Variants in HIVEP1 observed in about 807,000 individuals in gnomAD.
HIVEP1 encodes HIVEP zinc finger 1.
In HIVEP1, 36 loss-of-function variants were observed where a neutral mutation model predicts 180.0. The observed-to-expected ratio is 0.20, with a 90% CI of 0.15 to 0.26. The LOEUF is 0.26. Ranked by LOEUF, HIVEP1 falls within the 10% of genes least tolerant of loss-of-function variation. HIVEP1 has a pLI of 1.00. For missense variants in HIVEP1, 3,143 were observed against 3,268.7 expected, an observed-to-expected ratio of 0.96 and a Z score of 0.94; for synonymous variants, 1,239 against 1,239.0, an observed-to-expected ratio of 1.00 and a Z score of 0.00.
At chr6:12,096,954 A>G (rs1773817204) in intron 3 of HIVEP1, among the ~76,000 whole-genome samples, 1 of 152,086 alleles carries the variant, frequency 6.6e-6, no homozygotes, top group Non-Finnish European at 1.5e-5. Flanking sequence ...ACAAAACTTG[A>G]TAGGCTTACC....
chr6:12,077,968 T>C (rs1000656682), intron 2 of HIVEP1, among the ~76,000 whole-genome samples: 3 of 152,352 alleles, frequency 2.0e-5, no homozygotes, highest in Admixed American at 2.0e-4. Flanking sequence ...GAAAAGAGGC[T>C]ATATCTTGCT....
intron 7 of HIVEP1, among the ~76,000 whole-genome samples, chr6:12,139,864 C>T (rs1039628148): frequency 6.6e-6 from 1 of 152,268 alleles, no homozygotes; most frequent in Non-Finnish European, 1.5e-5. Flanking sequence ...CCCACCGCAG[C>T]TCAGCAAGGC....
rs1581722596 is a variant in HIVEP1 at position 12,120,781 on chromosome 6, C to T, written c.986C>T (p.Ala329Val). ...AAACTTGAACAGGTTTATAATATAG[C>T]AGTGACATCATCTGTAGGCCTAACT... Reference protein sequence around the residue: ...NAKLEQVYNIAVTSSVGLTSP... With the variant: ...NAKLEQVYNIVVTSSVGLTSP... The change falls in exon 4 of 9, where the codon GCA becomes GTA. Residue 329 changes from alanine (A) to valine (V), a missense_variant. Transcript: ENST00000379388. 1.2e-6 allele frequency: 2 copies of T among 1,614,182 alleles called. No individual in the cohort carries two copies. Among genetic ancestry groups the T allele is most frequent in the African/African-American group, 2.7e-5 (2 of 75,048 alleles).
chr6:12,145,345 A>G lies in HIVEP1; in HGVS notation c.6487+9453A>G, dbSNP rs555052031. On this transcript the variant is annotated intron_variant, in intron 7 of 8. Coordinates refer to ENST00000379388, the MANE Select transcript of HIVEP1 (RefSeq NM_002114.4). ...AGAACACTTGAACACAGGGAGGGGA[A>G]CATCACACCCTGGGGCCTGTCATGG... is the stretch of plus-strand genomic sequence containing the variant. 2.2e-3 allele frequency among the ~76,000 whole-genome samples: 342 copies of G among 152,212 alleles called. 1 individual carries two copies. The highest frequency in any genetic ancestry group is 3.9e-3 in the Non-Finnish European group (266 of 68,014).
downstream of HIVEP1, among the ~76,000 whole-genome samples, chr6:12,168,308 T>G (rs1402559946): frequency 5.6e-4 from 6 of 10,648 alleles, no homozygotes; most frequent in African/African-American, 1.3e-3. Flanking sequence ...CATATATACA[T>G]ATATTATATA....
Position 12,124,264 on chromosome 6 carries a change from A to T in HIVEP1, c.4469A>T (p.Asp1490Val). 6.2e-7 allele frequency: 1 copy of T among 1,614,138 alleles called. No individual in the cohort carries two copies. The highest frequency in any genetic ancestry group is 1.7e-5 in the Admixed American group (1 of 60,026). ...NTLHSQTQVK[D>V]LQAETSNSSS... Reference sequence around the variant, plus strand: ...TTGCACTCTCAGACTCAGGTTAAGGATCTGCAGGCAGAAACATCAAACTCC... The same window carrying T: ...TTGCACTCTCAGACTCAGGTTAAGGTTCTGCAGGCAGAAACATCAAACTCC... The change falls in exon 4 of 9, where the codon GAT (aspartate) becomes GTT (valine). Residue 1490 changes from aspartate to valine, a missense_variant. Transcript: ENST00000379388.
Position 12,125,442 on chromosome 6 carries a change from A to G in HIVEP1, c.5647A>G (p.Ile1883Val), listed in dbSNP as rs1126471. Reference protein sequence around the residue: ...SSPAPSENTHISPLKCTDNNQ... With the variant: ...SSPAPSENTHVSPLKCTDNNQ... ...ACCTGCTCCTTCAGAAAATACTCAT[A>G]TTTCTCCTTTGAAATGTACAGACAA... Residue 1883 changes from isoleucine to valine, a missense_variant, in exon 4 of 9, where the codon ATT becomes GTT. Around this residue, in one of 12 missense-constraint regions of HIVEP1, gnomAD observed 1,357 missense variants for 1,260.5 expected, o/e 1.08. Coordinates refer to ENST00000379388, the MANE Select transcript of HIVEP1 (RefSeq NM_002114.4). 1 of 1,614,078 alleles carries G rather than the reference A, an allele frequency of 6.2e-7. No individual in the cohort carries two copies. Among genetic ancestry groups the G allele is most frequent in the Admixed American group, 1.7e-5 (1 of 60,016 alleles).
At position 12,164,894 on chromosome 6, in the gene HIVEP1, T is replaced by G; in HGVS notation, c.*433T>G. 4.3e-6 allele frequency: 1 copy of G among 230,000 alleles called. No homozygotes were observed. Among genetic ancestry groups the G allele is most frequent in the South Asian group, 5.5e-5 (1 of 18,270 alleles). 14.2% of individuals were successfully genotyped at this position (230,000 alleles called of 1,614,324 possible). A position where few individuals can be genotyped will look rare whatever the true frequency, so the allele number is the denominator to read the frequency against. ...TCCATATTTATTGTATTCATATTAG[T>G]CTTTGAAAATGGGTCTGTCCTCCTT... On this transcript the variant is annotated 3_prime_UTR_variant, in exon 9 of 9. Coordinates refer to ENST00000379388, the MANE Select transcript of HIVEP1 (RefSeq NM_002114.4).
At chr6:12,147,155 G>A (rs1235705853) in intron 7 of HIVEP1, among the ~76,000 whole-genome samples, 1 of 152,154 alleles carries the variant, frequency 6.6e-6, no homozygotes, top group African/African-American at 2.4e-5. Context: ...TGGGGGACAG[G>A]TAATAGATGC....
At chr6:12,065,711 G>A (rs542529324) in intron 2 of HIVEP1, among the ~76,000 whole-genome samples, 49 of 151,096 alleles carry the variant, frequency 3.2e-4, no homozygotes, top group Middle Eastern at 6.8e-3. Context: ...GTGTGTGTGT[G>A]TGCATTGAAT....
intron 7 of HIVEP1, 76 bp from the exon 8 acceptor site, chr6:12,161,363 G>T: frequency 5.7e-6 from 8 of 1,395,262 alleles, no homozygotes; most frequent in Non-Finnish European, 7.8e-6. Context: ...GTTGCCAAAC[G>T]TATAAAAAAT....
intron 6 of HIVEP1, among the ~76,000 whole-genome samples, chr6:12,131,914 T>G (rs1335101570): frequency 6.6e-6 from 1 of 152,126 alleles, no homozygotes; most frequent in African/African-American, 2.4e-5. Flanking sequence ...GATCAACTTC[T>G]TAGCAAAATT....
chr6:12,145,542 T>A (rs565509432), intron 7 of HIVEP1, among the ~76,000 whole-genome samples: 114 of 149,318 alleles, frequency 7.6e-4, no homozygotes, highest in African/African-American at 2.6e-3. Context: ...AAGAACGCCC[T>A]CTACCAGATA....
chr6:12,130,479 A>C (rs913296186), intron 5 of HIVEP1, among the ~76,000 whole-genome samples: 1 of 152,292 alleles, frequency 6.6e-6, no homozygotes, highest in South Asian at 2.1e-4. Flanking sequence ...TTGAGGCTTC[A>C]TTGAGCTACA....
At position 12,063,210 on chromosome 6, in the gene HIVEP1, C is replaced by T. The variant is rs1771352902; in HGVS notation, c.41-25974C>T. Among the ~76,000 whole-genome samples, 1 of 152,136 alleles carries T rather than the reference C, an allele frequency of 6.6e-6. No homozygotes were observed. The highest frequency in any genetic ancestry group is 1.5e-5 in the Non-Finnish European group (1 of 68,016). On this transcript the variant is annotated intron_variant, in intron 2 of 8. Transcript: ENST00000379388. The surrounding 1 kb of genome is among the most constrained non-coding windows in gnomAD (Gnocchi z 4.2). ...CATTAAAATATTTATTGATTTCTAG[C>T]AGAGTTTTTCAACCTCAGCTCCATT...
chr6:12,190,352 C>T, the HIVEP1 span, among the ~76,000 whole-genome samples: 1 of 152,112 alleles, frequency 6.6e-6, no homozygotes, highest in Non-Finnish European at 1.5e-5. Flanking sequence ...AGTTTCTTTC[C>T]AGAGGTTCAG....
downstream of HIVEP1, among the ~76,000 whole-genome samples, chr6:12,167,647 A>ATATACATGTTATATATACATATACG (rs1760748716): frequency 1.0e-5 from 1 of 95,266 alleles, no homozygotes; most frequent in African/African-American, 5.3e-5. Context: ...ATACATATAC[A>ATATACATGTTATATATACATATACG]TATATATGTT....
At chr6:12,092,454 G>C (rs376808785) in intron 3 of HIVEP1, among the ~76,000 whole-genome samples, 5 of 152,178 alleles carry the variant, frequency 3.3e-5, no homozygotes, top group African/African-American at 1.2e-4. Flanking sequence ...TTCTTCTGTT[G>C]ATATTTAAGT....
At chr6:12,029,183 T>G (rs2327505) in intron 2 of HIVEP1, among the ~76,000 whole-genome samples, 64,997 of 151,762 alleles carry the variant, frequency 0.43, 16,135 homozygotes, top group Non-Finnish European at 0.56. Context: ...TGTGGTTACA[T>G]AGAGTGTTCT....
Sources: gnomAD v4.1 joint callset for allele counts (sites outside exome capture counted in the v4.1 genomes callset) on GRCh38, gnomAD v4.1.1 for gene constraint, gnomAD v4.1.1 regional missense constraint, Gnocchi (gnomAD v3.1) non-coding constraint, MANE v1.5 for transcripts, NCBI Gene and HGNC (gene_info 2026-07-23, HGNC 2026-07-21) for gene names.